WASF1: variants seen among roughly 807,000 people sequenced by gnomAD.
WASF1 encodes WASP family member 1.
A neutral mutation model predicts 50.5 loss-of-function variants in WASF1; 7 were observed. The ratio of observed to expected loss-of-function variants is 0.14; its 90% confidence interval spans 0.08 to 0.26. The LOEUF (loss-of-function observed/expected upper bound fraction) is 0.26. Among genes scored for constraint, WASF1 ranks in the 10% least tolerant of loss-of-function variants. The pLI is 1.00. For synonymous variants in WASF1, 205 were observed against 244.0 expected (o/e 0.84, Z 1.49); for missense variants, 470 against 694.7 (o/e 0.68, Z 3.64).
chr6:110,119,181 G>A (rs9689451), intron 4 of WASF1, among the ~76,000 whole-genome samples: 11,108 of 152,042 alleles, frequency 0.073, 552 homozygotes, highest in African/African-American at 0.14. Flanking sequence ...GAAGGCAAGA[G>A]ATAACTAAGA....
At chr6:110,133,756 G>A (rs1182890082) in intron 3 of WASF1, among the ~76,000 whole-genome samples, 1 of 151,920 alleles carries the variant, frequency 6.6e-6, no homozygotes, top group African/African-American at 2.4e-5. Flanking sequence ...TGAGTTCATT[G>A]TAGATTCTGA....
intron 2 of WASF1, among the ~76,000 whole-genome samples, chr6:110,173,649 T>C (rs2114627522): frequency 6.6e-6 from 1 of 152,210 alleles, no homozygotes; most frequent in East Asian, 1.9e-4. Flanking sequence ...TGGAACCCAA[T>C]CTCAGGACCA....
At chr6:110,155,449 T>C (rs1256713956) in intron 3 of WASF1, among the ~76,000 whole-genome samples, 1 of 148,870 alleles carries the variant, frequency 6.7e-6, no homozygotes, top group Non-Finnish European at 1.5e-5. Context: ...AGAAAAAAAA[T>C]CTTTTTATAC....
chr6:110,149,392 T>C (rs1036039846), intron 3 of WASF1, among the ~76,000 whole-genome samples: 1 of 151,274 alleles, frequency 6.6e-6, no homozygotes, highest in Non-Finnish European at 1.5e-5. Flanking sequence ...AAACACAATA[T>C]TCCTGGCATT....
At chr6:110,142,096 C>T (rs966095353) in intron 3 of WASF1, among the ~76,000 whole-genome samples, 1 of 152,114 alleles carries the variant, frequency 6.6e-6, no homozygotes, top group South Asian at 2.1e-4. Flanking sequence ...AAAAGAAATA[C>T]ATTTGAGAAA....
chr6:110,151,275 G>A (rs1775811299), intron 3 of WASF1, among the ~76,000 whole-genome samples: 1 of 152,024 alleles, frequency 6.6e-6, no homozygotes, highest in Admixed American at 6.5e-5. Flanking sequence ...GGTAACACTT[G>A]GTATCACACA....
intron 3 of WASF1, among the ~76,000 whole-genome samples, chr6:110,148,096 G>A (rs903328744): frequency 4.6e-5 from 7 of 152,110 alleles, no homozygotes; most frequent in Non-Finnish European, 1.0e-4. Flanking sequence ...GAAGTTTGAG[G>A]CATCTAAACC....
chr6:110,101,475 C>T, intron 10 of WASF1, 113 bp downstream of exon 10: 1 of 1,396,458 alleles, frequency 7.2e-7, no homozygotes, highest in Non-Finnish European at 9.6e-7. Context: ...GCCATTTGTA[C>T]ACAAACATGA....
intron 2 of WASF1, among the ~76,000 whole-genome samples, chr6:110,174,420 GT>G (rs1462041643): frequency 6.6e-6 from 1 of 152,140 alleles, no homozygotes; most frequent in Non-Finnish European, 1.5e-5. Flanking sequence ...TGAATCACTG[GT>G]TTAACAAGGG....
intron 9 of WASF1, among the ~76,000 whole-genome samples, chr6:110,102,988 T>C (rs1235246893): frequency 6.6e-6 from 1 of 152,202 alleles, no homozygotes; most frequent in African/African-American, 2.4e-5. Context: ...GTTACCCACA[T>C]TCCAAAAAAT....
intron 2 of WASF1, among the ~76,000 whole-genome samples, chr6:110,168,617 T>G (rs1020568648): frequency 6.6e-6 from 1 of 152,090 alleles, no homozygotes; most frequent in Non-Finnish European, 1.5e-5. Flanking sequence ...AGAGCAACTG[T>G]TAGAAGTATA....
intron 3 of WASF1, among the ~76,000 whole-genome samples, chr6:110,146,484 T>G (rs954376206): frequency 1.3e-5 from 2 of 151,710 alleles, no homozygotes; most frequent in East Asian, 1.9e-4. Context: ...ATATAAAAAT[T>G]TAAAATAAGA....
At chr6:110,108,015 T>C (rs1344705770) in intron 6 of WASF1, among the ~76,000 whole-genome samples, 2 of 151,374 alleles carry the variant, frequency 1.3e-5, no homozygotes, top group Non-Finnish European at 2.9e-5. Flanking sequence ...TATAAAAATT[T>C]AGCCGGGCTT....
At chr6:110,108,379 A>G (rs1347225062) in intron 6 of WASF1, 149 bp downstream of exon 6, 2 of 689,772 alleles carry the variant, frequency 2.9e-6, no homozygotes, top group African/African-American at 3.6e-5. Context: ...CATCCAATGA[A>G]TAAAAGCAAA....
intron 5 of WASF1, among the ~76,000 whole-genome samples, chr6:110,109,412 C>T (rs977806840): frequency 6.6e-6 from 1 of 152,074 alleles, no homozygotes; most frequent in Admixed American, 6.6e-5. Context: ...AAAAAACATA[C>T]AAAAATGCTG....
At chr6:110,117,931 A>G (rs1335947282) in intron 4 of WASF1, among the ~76,000 whole-genome samples, 1 of 152,178 alleles carries the variant, frequency 6.6e-6, no homozygotes, top group Non-Finnish European at 1.5e-5. Flanking sequence ...TAAGCCAAGG[A>G]GAAATAAAAT....
chr6:110,121,161 G>A (rs1032730607), intron 4 of WASF1, among the ~76,000 whole-genome samples: 11 of 152,124 alleles, frequency 7.2e-5, no homozygotes, highest in African/African-American at 2.7e-4. Flanking sequence ...CAAAAGCAAT[G>A]GCAAGAAAGC....
Position 110,100,340 on chromosome 6 carries a change from TA to T in WASF1, c.*181del. 3 of 599,248 alleles carry T rather than the reference TA, an allele frequency of 5.0e-6. No individual in the cohort carries two copies. Among genetic ancestry groups the T allele is most frequent in the Non-Finnish European group, 8.1e-6 (3 of 371,636 alleles). The allele number at this position is 599,248 out of a possible 1,614,324, so 37.1% of individuals were successfully genotyped here. The stretch of plus-strand genomic sequence containing the variant: ...GGGGGAAAAAAAAGATAAGCCACTG[TA>T]AAACATTTAGTTTGAAATGTATGCT... On this transcript the variant is annotated 3_prime_UTR_variant, in exon 11 of 11. Transcript: ENST00000392589.
intron 8 of WASF1, among the ~76,000 whole-genome samples, chr6:110,104,727 T>A (rs1309972784): frequency 6.6e-6 from 1 of 152,190 alleles, no homozygotes; most frequent in Non-Finnish European, 1.5e-5. Flanking sequence ...AGGCAGAGGT[T>A]GCAGTGAGCT....
Sources: allele counts gnomAD v4.1 joint callset (sites outside exome capture counted in the v4.1 genomes callset), GRCh38; gene constraint gnomAD v4.1.1; transcripts MANE v1.5; gene names NCBI Gene and HGNC (gene_info 2026-07-23, HGNC 2026-07-21).